The following HRNR variants were observed in gnomAD, a reference collection of about 807,000 sequenced individuals.
The protein encoded by HRNR is filaggrin family member 3.
Under a neutral mutation model 4.8 loss-of-function variants are expected in HRNR, and 7 were observed. The ratio of observed to expected loss-of-function variants is 1.47; its 90% CI spans 0.83 to 2.75. HRNR has a LOEUF of 2.75. Ranked by LOEUF, HRNR falls within the 30% of genes most tolerant of loss-of-function variation. The pLI, the probability that HRNR is intolerant of heterozygous loss-of-function variation, is 0.00. For missense variants in HRNR, 2,879 were observed against 3,010.4 expected (o/e 0.96, Z 1.02); for synonymous variants, 1,023 against 1,242.7 (o/e 0.82, Z 3.72).
At chr1:152,221,870 CAA>C (rs1241572558) in intron 2 of HRNR, among the ~76,000 whole-genome samples, 1 of 151,924 alleles carries the variant, frequency 6.6e-6, no homozygotes, top group African/African-American at 2.4e-5. Flanking sequence ...ACTCACTGAA[CAA>C]AGATTTATTA....
intron 2 of HRNR, among the ~76,000 whole-genome samples, chr1:152,222,178 C>T (rs1649024855): frequency 6.6e-6 from 1 of 152,038 alleles, no homozygotes; most frequent in African/African-American, 2.4e-5. Flanking sequence ...ATTATATGAA[C>T]AAAGGGCTAG....
rs551365531 is a variant in HRNR at position 152,221,055 on chromosome 1, G to A, written c.574C>T (p.Arg192Cys). The A allele has an allele frequency of 1.9e-5, 30 of 1,613,382 alleles. No homozygotes were observed. Among genetic ancestry groups the A allele is most frequent in the African/African-American group, 9.3e-5 (7 of 75,054 alleles). ...QNSDSHQSSG[R>C]GQCGSGSGQS... ...CCTGACCCAGACCCACATTGGCCGC[G>A]GCCTGAAGACTGATGGGAGTCGGAG... The change falls in exon 3 of 3, where the codon CGC becomes TGC. Residue 192 changes from arginine (R) to cysteine (C), a missense_variant. Arg to Cys is a radical substitution (Grantham distance 180). Transcript: ENST00000368801.
Position 152,219,155 on chromosome 1 carries a change from C to A in HRNR, c.2474G>T (p.Gly825Val), listed in dbSNP as rs762355090. 6.8e-6 allele frequency: 11 copies of A among 1,613,500 alleles called. No individual in the cohort carries two copies. Among genetic ancestry groups the A allele is most frequent in the Non-Finnish European group, 9.3e-6 (11 of 1,179,974 alleles). The stretch of plus-strand genomic sequence containing the variant: ...AGAACCATGCTGACTATAGCCCTGT[C>A]CTGAGCCAGACTCGTGTTGCCCAAA... ...SGFGQHESGS[G>V]QGYSQHGSAS... The change falls in exon 3 of 3, where the codon GGA becomes GTA. Residue 825 changes from glycine to valine, a missense_variant. Coordinates refer to ENST00000368801, the MANE Select transcript of HRNR (RefSeq NM_001009931.3).
rs190605425 is a variant in HRNR, at chr1:152,219,169, G to A, written c.2460C>T (p.His820=). The A allele has an allele frequency of 8.8e-4, 1,416 of 1,613,198 alleles. 14 individuals carry two copies. The highest frequency in any genetic ancestry group is 7.8e-4 in the South Asian group (71 of 91,026). The change falls in exon 3 of 3, where the codon CAC becomes CAT. Residue 820 remains histidine (H), a synonymous_variant. Transcript: ENST00000368801. ...GSGQASGFGQ[H]ESGSGQGYSQ... The stretch of plus-strand genomic sequence containing the variant: ...TATAGCCCTGTCCTGAGCCAGACTC[G>A]TGTTGCCCAAAACCAGAAGCCTGGC...
rs762082150 is a variant in HRNR, at chr1:152,219,135, C to G, written c.2494G>C (p.Gly832Arg). The change falls in exon 3 of 3, where the codon GGT becomes CGT. Residue 832 changes from glycine to arginine, a missense_variant. Gly to Arg is a moderately radical substitution (Grantham distance 125). Coordinates refer to ENST00000368801, the MANE Select transcript of HRNR (RefSeq NM_001009931.3). Reference protein sequence around the residue: ...SGSGQGYSQHGSASGHFSSQG... With the variant: ...SGSGQGYSQHRSASGHFSSQG... ...CTAGAGAAGTGACCTGAGGCAGAAC[C>G]ATGCTGACTATAGCCCTGTCCTGAG... 1.9e-6 allele frequency: 3 copies of G among 1,613,708 alleles called. No homozygotes were observed. Among genetic ancestry groups the G allele is most frequent in the Non-Finnish European group, 2.5e-6 (3 of 1,179,970 alleles).
chr1:152,223,415 C>A (rs961273614), intron 1 of HRNR, 137 bp from the exon 2 acceptor site: 1 of 598,064 alleles, frequency 1.7e-6, no homozygotes, highest in Non-Finnish European at 2.8e-6. Flanking sequence ...TAATCAAGAA[C>A]CAATTCAGAG....
In HRNR at chr1:152,221,459, A is replaced by T. The variant is rs200756172; in HGVS notation, c.170T>A (p.Ile57Asn). 1 of 1,610,406 alleles carries T rather than the reference A, an allele frequency of 6.2e-7. No individual in the cohort carries two copies. Among genetic ancestry groups the T allele is most frequent in the Admixed American group, 1.7e-5 (1 of 59,804 alleles). The change falls in exon 3 of 3, where the codon ATC becomes AAC. Residue 57 changes from isoleucine to asparagine, a missense_variant. Ile to Asn is a moderately radical substitution (Grantham distance 149, BLOSUM62 -3). Coordinates refer to ENST00000368801, the MANE Select transcript of HRNR (RefSeq NM_001009931.3). The stretch of plus-strand genomic sequence containing the variant: ...ATGGTCTCGATCCAGACTTTGCAAG[A>T]TGATATCCACAGTATCTGGATCGTT... ...NPNDPDTVDI[I>N]LQSLDRDHNK...
In HRNR at chr1:152,212,380, GT is replaced by G. The variant is rs368164802; in HGVS notation, c.*695del. On this transcript the variant is annotated 3_prime_UTR_variant, in exon 3 of 3. Coordinates refer to ENST00000368801, the MANE Select transcript of HRNR (RefSeq NM_001009931.3). Reference sequence around the variant, plus strand: ...AACAAGCTAAAGCCCACATTTGAATGTTTTTTTTTTTCCTGAAATGATAAAT... The same window carrying G: ...AACAAGCTAAAGCCCACATTTGAATGTTTTTTTTTTCCTGAAATGATAAAT... The G allele has an allele frequency of 6.8e-3, 999 of 146,434 alleles. 4 individuals carry two copies. Among genetic ancestry groups the G allele is most frequent in the Middle Eastern group, 0.014 (4 of 280 alleles). 9.1% of individuals were successfully genotyped at this position (146,434 alleles called of 1,614,324 possible).
Position 152,220,909 on chromosome 1 carries a change from C to T in HRNR, c.720G>A (p.Gln240=), listed in dbSNP as rs763639268. Residue 240 remains glutamine (Q), a synonymous_variant, in exon 3 of 3, where the codon CAG becomes CAA. Transcript: ENST00000368801. ...ATCCATGCTGACTGTAACCAGAGGA[C>T]TGCCCTGAGCTAGACTTGTGTTGAC... ...GFSQHKSSSG[Q]SSGYSQHGSG... is the part of the protein sequence containing the mutation. 6.2e-7 allele frequency: 1 copy of T among 1,614,084 alleles called. No homozygotes were observed. Among genetic ancestry groups the T allele is most frequent in the Non-Finnish European group, 8.5e-7 (1 of 1,179,990 alleles).
Position 152,218,586 on chromosome 1 carries a change from C to G in HRNR, c.3043G>C (p.Gly1015Arg), listed in dbSNP as rs748526420. 10 of 1,613,796 alleles carry G rather than the reference C, an allele frequency of 6.2e-6. No individual in the cohort carries two copies. The highest frequency in any genetic ancestry group is 1.1e-5 in the South Asian group (1 of 91,060). ...CTGGAAGACTGCCCGGAACCAGACC[C>G]ATGTCGGCCACGGCTAGGGCTAGGA... Reference protein sequence around the residue: ...QSPSPSRGRHGSGSGQSSSYG... With the variant: ...QSPSPSRGRHRSGSGQSSSYG... The change falls in exon 3 of 3, where the codon GGG (glycine) becomes CGG (arginine). Residue 1015 changes from glycine (G) to arginine (R), a missense_variant. This residue lies in a region of HRNR where 2,646 missense variants were observed against 1,377.7 expected (regional missense o/e 1.92). Transcript: ENST00000368801.
chr1:152,220,295 C>G lies in HRNR; in HGVS notation c.1334G>C (p.Gly445Ala), dbSNP rs1395925343. ...QSPSSGQHGTGFGRSSSSGPY... is the reference protein window; with the variant it reads ...QSPSSGQHGTAFGRSSSSGPY... ...GCCACTGCTGGAAGATCGACCAAAG[C>G]CAGTCCCATGTTGGCCGGAGCTGGG... Residue 445 changes from glycine (G) to alanine (A), a missense_variant, in exon 3 of 3, where the codon GGC becomes GCC. Gly to Ala is a moderately conservative substitution (Grantham distance 60). This residue lies in a region of HRNR where 2,646 missense variants were observed against 1,377.7 expected (regional missense o/e 1.92). Coordinates refer to ENST00000368801, the MANE Select transcript of HRNR (RefSeq NM_001009931.3). The G allele has an allele frequency of 2.4e-5, 38 of 1,613,912 alleles. No individual in the cohort carries two copies. The highest frequency in any genetic ancestry group is 1.6e-4 in the Middle Eastern group (1 of 6,082).
In HRNR at chr1:152,220,017, C is replaced by T. The variant is rs1414030464; in HGVS notation, c.1612G>A (p.Gly538Ser). The T allele has an allele frequency of 7.4e-6, 12 of 1,614,082 alleles. No individual in the cohort carries two copies. Among genetic ancestry groups the T allele is most frequent in the South Asian group, 2.2e-5 (2 of 91,076 alleles). Residue 538 changes from glycine (G) to serine (S), a missense_variant, in exon 3 of 3, where the codon GGC (glycine) becomes AGC (serine). This residue lies in a region of HRNR where 2,646 missense variants were observed against 1,377.7 expected (regional missense o/e 1.92). Coordinates refer to ENST00000368801, the MANE Select transcript of HRNR (RefSeq NM_001009931.3). ...LGHSRHGSGSGQSPSPSRGRH... is the reference protein window; with the variant it reads ...LGHSRHGSGSSQSPSPSRGRH... The stretch of plus-strand genomic sequence containing the variant: ...CCACGGCTAGGGCTAGGAGACTGGC[C>T]AGATCCAGACCCATGTCGGCTGTGT...
rs368884898 is a variant in HRNR, at chr1:152,219,247, G to T, written c.2382C>A (p.His794Gln). 4 of 1,612,440 alleles carry T rather than the reference G, an allele frequency of 2.5e-6. No homozygotes were observed. Among genetic ancestry groups the T allele is most frequent in the South Asian group, 1.1e-5 (1 of 90,960 alleles). ...TGGAAGAACAACTTGTGCCAGACCCGTGTTGGCCGTGGCTGGAGGAGTGCC... is the reference window on the plus strand; with the variant it reads ...TGGAAGAACAACTTGTGCCAGACCCTTGTTGGCCGTGGCTGGAGGAGTGCC... ...SSGHSSSHGQ[H>Q]GSGTSCSSSC... Residue 794 changes from histidine (H) to glutamine (Q), a missense_variant, in exon 3 of 3, where the codon CAC becomes CAA. Physicochemically the swap from His to Gln is conservative, Grantham distance 24. Coordinates refer to ENST00000368801, the MANE Select transcript of HRNR (RefSeq NM_001009931.3).
rs1204099973 is a variant in HRNR, at chr1:152,219,965, G to T, written c.1664C>A (p.Ser555Tyr). 5 of 1,613,596 alleles carry T rather than the reference G, an allele frequency of 3.1e-6. No individual in the cohort carries two copies. Among genetic ancestry groups the T allele is most frequent in the Non-Finnish European group, 3.4e-6 (4 of 1,179,878 alleles). Residue 555 changes from serine (S) to tyrosine (Y), a missense_variant, in exon 3 of 3, where the codon TCT becomes TAT. By Grantham distance (144) the Ser-to-Tyr change is moderately radical. Transcript: ENST00000368801. The stretch of plus-strand genomic sequence containing the variant: ...ATACCCATGTGGGCCATAGCTGGAA[G>T]ACTGCCTGGAACCAGACTCATGTCG... ...RGRHESGSRQ[S>Y]SSYGPHGYGS...
chr1:152,221,318 T>C lies in HRNR; in HGVS notation c.311A>G (p.Asp104Gly), dbSNP rs781394719. The change falls in exon 3 of 3, where the codon GAC becomes GGC. Residue 104 changes from aspartate (D) to glycine (G), a missense_variant. By Grantham distance (94) the Asp-to-Gly change is moderately conservative. This residue lies in a region of HRNR where 2,646 missense variants were observed against 1,377.7 expected (regional missense o/e 1.92). Coordinates refer to ENST00000368801, the MANE Select transcript of HRNR (RefSeq NM_001009931.3). ...TTGTTCCTCTTGGTGCTGGTGAGTG[T>C]CATCTCTCAGCTTTGACCCTGAAAC... ...CQVSGSKLRD[D>G]THQHQEEQEE... 2.5e-5 allele frequency: 41 copies of C among 1,613,902 alleles called. No individual in the cohort carries two copies. Among genetic ancestry groups the C allele is most frequent in the Non-Finnish European group, 3.4e-5 (40 of 1,180,012 alleles).
Position 152,219,112 on chromosome 1 carries a change from A to T in HRNR, c.2517T>A (p.Ser839=), listed in dbSNP as rs1262284880. Residue 839 remains serine, a synonymous_variant, in exon 3 of 3, where the codon TCT becomes TCA. Transcript: ENST00000368801. ...SQHGSASGHF[S]SQGRHGSTSG... ...ACGTAGATCCATGTCGTCCCTGGCT[A>T]GAGAAGTGACCTGAGGCAGAACCAT... The T allele has an allele frequency of 3.1e-6, 5 of 1,613,286 alleles. No homozygotes were observed. In the African/African-American group the frequency reaches 4.0e-5, roughly 13 times the overall value.
chr1:152,218,538 A>T lies in HRNR; in HGVS notation c.3091T>A (p.Ser1031Thr), dbSNP rs1440135991. 1.9e-6 allele frequency: 3 copies of T among 1,613,792 alleles called. No individual in the cohort carries two copies. The highest frequency in any genetic ancestry group is 1.7e-6 in the Non-Finnish European group (2 of 1,179,964). The part of the protein sequence containing the change: ...SSSYGPYRSG[S>T]GWSSSRGPYE... The stretch of plus-strand genomic sequence containing the variant: ...GGGCCACGGCTTGAAGACCACCCTG[A>T]GCCAGACCTATATGGGCCATAGCTG... Residue 1031 changes from serine to threonine, a missense_variant, in exon 3 of 3, where the codon TCA (serine) becomes ACA (threonine). This residue lies in a region of HRNR where 2,646 missense variants were observed against 1,377.7 expected (regional missense o/e 1.92). Coordinates refer to ENST00000368801, the MANE Select transcript of HRNR (RefSeq NM_001009931.3).
intron 1 of HRNR, 33 bp from the exon 2 acceptor site, chr1:152,223,311 A>G (rs1288839638): frequency 7.5e-6 from 10 of 1,334,452 alleles, no homozygotes; most frequent in Non-Finnish European, 6.3e-6. Context: ...CCAACCCCTT[A>G]CTATTCTTAT....
rs370407108 is a variant in HRNR, at chr1:152,219,001, G to A, written c.2628C>T (p.His876=). ...SYGQHESASH[H]ASGRGRHGSG... ...AGCCATGTCGGCCGCGGCCCGAAGC[G>A]TGATGGGAGGCAGACTCATGCTGAC... Residue 876 remains histidine (H), a synonymous_variant, in exon 3 of 3, where the codon CAC becomes CAT. Coordinates refer to ENST00000368801, the MANE Select transcript of HRNR (RefSeq NM_001009931.3). 6.0e-5 allele frequency: 97 copies of A among 1,612,456 alleles called. No individual in the cohort carries two copies. In the Middle Eastern group the frequency reaches 6.6e-4, roughly 11 times the overall value.
Sources: gnomAD v4.1 joint callset for allele counts (sites outside exome capture counted in the v4.1 genomes callset) on GRCh38, gnomAD v4.1.1 for gene constraint, gnomAD v4.1.1 regional missense constraint, MANE v1.5 for transcripts, NCBI Gene and HGNC (gene_info 2026-07-23, HGNC 2026-07-21) for gene names.